KCNIP1: variants seen among roughly 807,000 people sequenced by gnomAD.
KCNIP1 encodes the protein A-type potassium channel modulatory protein KCNIP1.
In KCNIP1, 18 loss-of-function variants were observed where a neutral mutation model predicts 33.0. That is an observed-to-expected ratio of 0.55 (90% CI 0.38 to 0.81). The LOEUF (loss-of-function observed/expected upper bound fraction) is 0.81, where lower values mean the gene tolerates loss of function less well. KCNIP1 is among the 30% of genes least tolerant of loss of function. The probability of loss-of-function intolerance (pLI) is 0.00; values close to 1 mark genes in which losing one functional copy is unlikely to be tolerated. For missense variants in KCNIP1, 238 were observed against 271.6 expected (o/e 0.88, Z 0.87); for synonymous variants, 93 against 98.3 (o/e 0.95, Z 0.32).
At chr5:170,657,620 G>A (rs745589188) in intron 1 of KCNIP1, among the ~76,000 whole-genome samples, 7 of 152,108 alleles carry the variant, frequency 4.6e-5, no homozygotes, top group East Asian at 1.9e-4. Flanking sequence ...CAGCTCCTAC[G>A]GAAATAACCT....
intron 1 of KCNIP1, among the ~76,000 whole-genome samples, chr5:170,368,826 G>A (rs1185838249): frequency 6.6e-6 from 1 of 152,160 alleles, no homozygotes; most frequent in Non-Finnish European, 1.5e-5. Context: ...CTAGTCCTGT[G>A]TCCCCGTGAC....
intron 1 of KCNIP1, among the ~76,000 whole-genome samples, chr5:170,606,096 G>A (rs1758907571): frequency 6.6e-6 from 1 of 152,170 alleles, no homozygotes. Context: ...TTTTATGGCT[G>A]AGTAACATTC....
intron 1 of KCNIP1, among the ~76,000 whole-genome samples, chr5:170,458,214 C>T (rs140559259): frequency 1.4e-3 from 213 of 152,174 alleles, no homozygotes; most frequent in African/African-American, 5.0e-3. Context: ...AATGGCCAAA[C>T]CTAAGAATAA....
chr5:170,627,598 G>C (rs1343627880), intron 1 of KCNIP1, among the ~76,000 whole-genome samples: 2 of 152,276 alleles, frequency 1.3e-5, no homozygotes, highest in Admixed American at 1.3e-4. Context: ...GAGTGCCTGA[G>C]ATGGCTCATG....
chr5:170,413,112 G>A (rs998621917), intron 1 of KCNIP1, among the ~76,000 whole-genome samples: 4 of 152,228 alleles, frequency 2.6e-5, no homozygotes, highest in Non-Finnish European at 5.9e-5. Flanking sequence ...AGGAAGGAAT[G>A]ATGGTGGGTA....
chr5:170,511,969 C>A (rs962843059), intron 1 of KCNIP1, among the ~76,000 whole-genome samples: 1 of 152,216 alleles, frequency 6.6e-6, no homozygotes, highest in African/African-American at 2.4e-5. Context: ...CCACACGGAA[C>A]AACTGAGCTA....
chr5:170,583,919 T>C (rs1757890661), intron 1 of KCNIP1, among the ~76,000 whole-genome samples: 1 of 152,236 alleles, frequency 6.6e-6, no homozygotes, highest in Non-Finnish European at 1.5e-5. Context: ...TACCAGCATG[T>C]AATGTGTAAT....
intron 1 of KCNIP1, among the ~76,000 whole-genome samples, chr5:170,357,049 A>G (rs890489994): frequency 1.3e-5 from 2 of 152,088 alleles, no homozygotes; most frequent in African/African-American, 4.8e-5. Context: ...GGCTTCTGGC[A>G]TCCCCACTCC....
chr5:170,691,122 G>A (rs7702368), intron 1 of KCNIP1, among the ~76,000 whole-genome samples: 3,958 of 152,326 alleles, frequency 0.026, 87 homozygotes, highest in Non-Finnish European at 0.04. Context: ...TGGCACCACT[G>A]CCATGACAAC....
intron 5 of KCNIP1, among the ~76,000 whole-genome samples, chr5:170,728,668 C>T (rs894861051): frequency 6.6e-6 from 1 of 151,896 alleles, no homozygotes; most frequent in African/African-American, 2.4e-5. Context: ...AGTAGAGAAA[C>T]ATACCATCTT....
intron 1 of KCNIP1, among the ~76,000 whole-genome samples, chr5:170,649,162 T>TA (rs1581444976): frequency 6.6e-6 from 1 of 152,176 alleles, no homozygotes; most frequent in Non-Finnish European, 1.5e-5. Flanking sequence ...GTATTGACCC[T>TA]AAAAAATTAT....
At chr5:170,624,587 G>A (rs534836767) in intron 1 of KCNIP1, among the ~76,000 whole-genome samples, 2 of 151,994 alleles carry the variant, frequency 1.3e-5, no homozygotes, top group African/African-American at 4.8e-5. Context: ...GCATTGGAAA[G>A]TCCCATCCAA....
At chr5:170,677,287 G>C (rs1230701051) in intron 1 of KCNIP1, among the ~76,000 whole-genome samples, 1 of 152,194 alleles carries the variant, frequency 6.6e-6, no homozygotes, top group Non-Finnish European at 1.5e-5. Context: ...AGGAGGCAGA[G>C]TTAAGAGTCA....
intron 1 of KCNIP1, among the ~76,000 whole-genome samples, chr5:170,491,532 T>A (rs983317043): frequency 6.6e-6 from 1 of 152,110 alleles, no homozygotes; most frequent in Non-Finnish European, 1.5e-5. Context: ...CAGTATAATA[T>A]CAGTCATTTA....
chr5:170,609,197 C>G (rs564033803), intron 1 of KCNIP1, among the ~76,000 whole-genome samples: 1 of 152,336 alleles, frequency 6.6e-6, no homozygotes, highest in African/African-American at 2.4e-5. Flanking sequence ...GGCGCTTCCT[C>G]TCTTCCTTTC....
intron 1 of KCNIP1, among the ~76,000 whole-genome samples, chr5:170,533,531 G>A (rs1049885042): frequency 2.0e-5 from 3 of 152,178 alleles, no homozygotes; most frequent in African/African-American, 7.2e-5. Flanking sequence ...CTCACAGGAG[G>A]GCAGGTGGCA....
chr5:170,613,249 T>C (rs1022144825), intron 1 of KCNIP1, among the ~76,000 whole-genome samples: 1 of 152,212 alleles, frequency 6.6e-6, no homozygotes, highest in African/African-American at 2.4e-5. Context: ...CCACTACCTG[T>C]GTGTGTCCAT....
At chr5:170,710,751 C>T (rs948685830) in intron 1 of KCNIP1, among the ~76,000 whole-genome samples, 17 of 152,182 alleles carry the variant, frequency 1.1e-4, no homozygotes, top group Admixed American at 1.1e-3. Flanking sequence ...GCTCACCATT[C>T]CTGGGATCTT....
In KCNIP1 at chr5:170,654,440, G is replaced by A. The variant is rs150921236; in HGVS notation, c.62-64318G>A. On this transcript the variant is annotated intron_variant, in intron 1 of 7. Transcript: ENST00000328939. ...ATTCTAGTCACAATAAAATTGTGTC[G>A]TACTGTAATGCTGGGTATCCATTTT... Among the ~76,000 whole-genome samples, 168 of 152,244 alleles carry A rather than the reference G, an allele frequency of 1.1e-3. 1 individual carries two copies. Among genetic ancestry groups the A allele is most frequent in the African/African-American group, 3.8e-3 (157 of 41,550 alleles).
Sources: allele counts gnomAD v4.1 joint callset (sites outside exome capture counted in the v4.1 genomes callset), GRCh38; gene constraint gnomAD v4.1.1; transcripts MANE v1.5; gene names NCBI Gene and HGNC (gene_info 2026-07-23, HGNC 2026-07-21).